RIPOR2: variants seen among roughly 807,000 people sequenced by gnomAD.
The protein encoded by RIPOR2 is RHO family interacting cell polarization regulator 2, also known as rho family-interacting cell polarization regulator 2.
A neutral mutation model predicts 114.5 loss-of-function variants in RIPOR2; 39 were observed. The observed-to-expected ratio is 0.34, with a 90% CI of 0.26 to 0.44. The LOEUF (loss-of-function observed/expected upper bound fraction) is 0.44. RIPOR2 is among the 20% of genes least tolerant of loss of function. RIPOR2 has a pLI of 1.00. For missense variants in RIPOR2, 1,007 were observed against 1,255.1 expected (o/e 0.80, Z 2.99); for synonymous variants, 445 against 484.4 (o/e 0.92, Z 1.07).
intron 1 of RIPOR2, chr6:24,931,791 A>C (rs1426682502): frequency 6.6e-6 from 1 of 152,230 alleles, no homozygotes; most frequent in Non-Finnish European, 1.5e-5. Flanking sequence ...ATTACTGAGC[A>C]GTGCTGAAAA....
chr6:24,891,443 A>T (rs2113970940), intron 1 of RIPOR2, among the ~76,000 whole-genome samples: 1 of 152,312 alleles, frequency 6.6e-6, no homozygotes, highest in Admixed American at 6.5e-5. Flanking sequence ...TTTATTGTAT[A>T]TCAAGAGTGT....
intron 1 of RIPOR2, among the ~76,000 whole-genome samples, chr6:24,970,328 G>A (rs1773724253): frequency 6.6e-6 from 1 of 152,202 alleles, no homozygotes. Context: ...TTTGTGAGGT[G>A]AGCGGAGGCA....
chr6:24,922,278 G>C (rs968770022), intron 1 of RIPOR2, among the ~76,000 whole-genome samples: 2 of 152,204 alleles, frequency 1.3e-5, no homozygotes, highest in Non-Finnish European at 2.9e-5. Flanking sequence ...TTTTTGCAGA[G>C]TTCCTAAAAC....
At position 24,883,563 on chromosome 6, in the gene RIPOR2, A is replaced by C. The variant is rs1471823022; in HGVS notation, c.62-7746T>G. 6.6e-6 allele frequency among the ~76,000 whole-genome samples: 1 copy of C among 152,214 alleles called. No individual in the cohort carries two copies. The highest frequency in any genetic ancestry group is 1.5e-5 in the Non-Finnish European group (1 of 68,036). On this transcript the variant is annotated intron_variant, in intron 1 of 21. Transcript: ENST00000643898. The surrounding 1 kb of genome is among the most constrained non-coding windows in gnomAD (Gnocchi z 4.1). The stretch of plus-strand genomic sequence containing the variant: ...GTAGCACAAATGTATAAATTTACTA[A>C]AACTCAAACTGTCCACTTAAGATGA...
chr6:25,005,991 T>C (rs576577732), intron 1 of RIPOR2, among the ~76,000 whole-genome samples: 4 of 152,180 alleles, frequency 2.6e-5, no homozygotes, highest in East Asian at 1.9e-4. Context: ...GGTTTATATA[T>C]TTCCTTCCAG....
At chr6:25,038,177 G>A (rs1777329543) in intron 1 of RIPOR2, among the ~76,000 whole-genome samples, 1 of 152,128 alleles carries the variant, frequency 6.6e-6, no homozygotes, top group Non-Finnish European at 1.5e-5. Flanking sequence ...ACAAACAAAT[G>A]AGCAAACAAA....
rs1323168118 is a variant in RIPOR2, at chr6:24,910,738, G to C, written c.61+25100C>G. Reference sequence around the variant, plus strand: ...GCATTCAACGCTCATTCAAGTCGAGGACACCCCTCCCCACACAGACCTCAC... The same window carrying C: ...GCATTCAACGCTCATTCAAGTCGAGCACACCCCTCCCCACACAGACCTCAC... On this transcript the variant is annotated intron_variant, in intron 1 of 21. Coordinates refer to ENST00000643898, the MANE Select transcript of RIPOR2 (RefSeq NM_001286445.3). 3 of 838,710 alleles carry C rather than the reference G, an allele frequency of 3.6e-6. No individual in the cohort carries two copies. The African/African-American group carries it at 5.5e-5, about 15-fold the overall frequency. 52.0% of individuals were successfully genotyped at this position (838,710 alleles called of 1,614,324 possible).
chr6:24,909,890 C>T (rs79848464), intron 1 of RIPOR2, among the ~76,000 whole-genome samples: 2,145 of 152,288 alleles, frequency 0.014, 28 homozygotes, highest in African/African-American at 0.039. Context: ...CCAGCAGAAT[C>T]AGCCCGGTTC....
At chr6:24,850,257 G>A (rs766058264) in intron 10 of RIPOR2, among the ~76,000 whole-genome samples, 2 of 150,738 alleles carry the variant, frequency 1.3e-5, no homozygotes, top group Non-Finnish European at 3.0e-5. Context: ...GACCACGTCT[G>A]GCTAATTTTT....
chr6:25,025,397 T>G (rs986808164), intron 1 of RIPOR2, among the ~76,000 whole-genome samples: 2 of 152,182 alleles, frequency 1.3e-5, no homozygotes, highest in Non-Finnish European at 2.9e-5. Context: ...ATAACAGTGC[T>G]CTGGAAGCCC....
intron 1 of RIPOR2, among the ~76,000 whole-genome samples, chr6:24,974,068 A>AATCCT (rs1428355119): frequency 6.6e-6 from 1 of 152,136 alleles, no homozygotes; most frequent in Non-Finnish European, 1.5e-5. Flanking sequence ...CTCATGTAAC[A>AATCCT]ATCCTGCACA....
chr6:24,921,343 T>C (rs548691259), intron 1 of RIPOR2, among the ~76,000 whole-genome samples: 113 of 151,866 alleles, frequency 7.4e-4, no homozygotes, highest in African/African-American at 2.5e-3. Context: ...TTTTTTTTTT[T>C]AGTAGAGACG....
intron 10 of RIPOR2, among the ~76,000 whole-genome samples, chr6:24,850,347 A>G (rs1581591081): frequency 1.3e-5 from 2 of 152,120 alleles, no homozygotes; most frequent in Non-Finnish European, 2.9e-5. Context: ...CACCCACCTC[A>G]GCCTCCCAAA....
chr6:24,862,807 C>T (rs978402694), intron 7 of RIPOR2, among the ~76,000 whole-genome samples: 7 of 150,230 alleles, frequency 4.7e-5, no homozygotes, highest in African/African-American at 1.7e-4. Context: ...CACTGGCACC[C>T]CCCCACCACC....
Position 24,850,833 on chromosome 6 carries a change from C to T in RIPOR2, c.760-111G>A, listed in dbSNP as rs182979410. On this transcript the variant is annotated intron_variant, in intron 9 of 21. Transcript: ENST00000643898. ...AAGCCACTGCTGCCCTCCGCTTCTC[C>T]CTTACTCTCCCTCCACCCCCTTACT... The T allele has an allele frequency of 3.9e-3, 4,614 of 1,179,732 alleles. 10 individuals are homozygous for T. Among genetic ancestry groups the T allele is most frequent in the Non-Finnish European group, 5.2e-3 (4,241 of 808,688 alleles). 73.1% of individuals were successfully genotyped at this position (1,179,732 alleles called of 1,614,324 possible).
At chr6:24,854,051 C>T (rs1442745974) in intron 8 of RIPOR2, among the ~76,000 whole-genome samples, 1 of 149,638 alleles carries the variant, frequency 6.7e-6, no homozygotes, top group African/African-American at 2.5e-5. Context: ...CCCAGGAGGT[C>T]TAGGCTATAG....
chr6:24,838,996 T>C, intron 14 of RIPOR2, 95 bp downstream of exon 14: 1 of 1,051,776 alleles, frequency 9.5e-7, no homozygotes, highest in Non-Finnish European at 1.4e-6. Context: ...TTTATCTTCC[T>C]GGAAATGTGT....
At chr6:24,951,926 G>C (rs368650601) in intron 1 of RIPOR2, among the ~76,000 whole-genome samples, 1 of 152,158 alleles carries the variant, frequency 6.6e-6, no homozygotes, top group Non-Finnish European at 1.5e-5. Context: ...CTTACCTTCC[G>C]CTGGATCCAC....
chr6:24,897,269 T>G (rs1043782675), intron 1 of RIPOR2, among the ~76,000 whole-genome samples: 1 of 152,206 alleles, frequency 6.6e-6, no homozygotes, highest in African/African-American at 2.4e-5. Context: ...GGGCCAGAAT[T>G]TTTTTCTGTA....
Sources: gnomAD v4.1 joint callset for allele counts (sites outside exome capture counted in the v4.1 genomes callset) on GRCh38, gnomAD v4.1.1 for gene constraint, Gnocchi (gnomAD v3.1) non-coding constraint, MANE v1.5 for transcripts, NCBI Gene and HGNC (gene_info 2026-07-23, HGNC 2026-07-21) for gene names.